The following PRR5L variants were observed in gnomAD, a reference collection of about 807,000 sequenced individuals.
PRR5L encodes proline rich 5 like, also known as proline-rich protein 5-like.
Under a neutral mutation model 36.4 loss-of-function variants are expected in PRR5L, and 21 were observed. That is an observed-to-expected ratio of 0.58 (90% CI 0.41 to 0.83). PRR5L has a LOEUF of 0.83. Ranked by LOEUF, PRR5L falls within the 40% of genes least tolerant of loss-of-function variation. The pLI, the probability that PRR5L is intolerant of heterozygous loss-of-function variation, is 0.00. For missense variants in PRR5L, 381 were observed against 473.3 expected (o/e 0.80, Z 1.81); for synonymous variants, 188 against 197.0 (o/e 0.95, Z 0.38).
chr11:36,311,139 G>A (rs61878692), intron 1 of PRR5L, among the ~76,000 whole-genome samples: 35,159 of 152,014 alleles, frequency 0.23, 4,942 homozygotes, highest in Non-Finnish European at 0.31. Flanking sequence ...TGCAGCAATT[G>A]AGTTTAGGGA....
chr11:36,347,314 G>A (rs1856877426), intron 1 of PRR5L, among the ~76,000 whole-genome samples: 4 of 152,190 alleles, frequency 2.6e-5, no homozygotes, highest in South Asian at 4.2e-4. Flanking sequence ...CTATGGAATG[G>A]GACAGTTTTG....
chr11:36,310,648 A>C (rs1426801996), intron 1 of PRR5L, among the ~76,000 whole-genome samples: 1 of 152,188 alleles, frequency 6.6e-6, no homozygotes, highest in Non-Finnish European at 1.5e-5. Flanking sequence ...GTTCTCCCAC[A>C]CAAGAGGAAA....
rs1333696181 is a variant in PRR5L, at chr11:36,465,183, AAAC to A, written c.*2452_*2454del. The A allele has an allele frequency of 6.6e-6, 1 of 152,230 alleles. No individual in the cohort carries two copies. The highest frequency in any genetic ancestry group is 1.5e-5 in the Non-Finnish European group (1 of 68,040). The allele number at this position is 152,230 out of a possible 1,614,324, so 9.4% of individuals were successfully genotyped here. ...TGTCTGTTTCCAAAATGGATTCAAT[AAAC>A]AACATTTTGTCCATGTTACCCTATT... is the stretch of plus-strand genomic sequence containing the variant. On this transcript the variant is annotated 3_prime_UTR_variant, in exon 9 of 9. Coordinates refer to ENST00000530639, the MANE Select transcript of PRR5L (RefSeq NM_001160167.2).
intron 1 of PRR5L, among the ~76,000 whole-genome samples, chr11:36,309,810 C>T (rs887029239): frequency 2.0e-5 from 3 of 151,996 alleles, no homozygotes; most frequent in African/African-American, 4.8e-5. Flanking sequence ...GATGAAGAGA[C>T]TCATCCATAC....
At chr11:36,351,681 ATTTATATATTTATATATTTATATATT>A (rs1458031050) in intron 1 of PRR5L, among the ~76,000 whole-genome samples, 1 of 7,492 alleles carries the variant, frequency 1.3e-4, no homozygotes, top group Non-Finnish European at 2.1e-4. Context: ...ATACTTATAT[ATTTATATATTTATATATTTATATATT>A]TATTTATATA....
intron 1 of PRR5L, among the ~76,000 whole-genome samples, chr11:36,375,099 G>A (rs1327069795): frequency 2.0e-5 from 3 of 152,106 alleles, no homozygotes; most frequent in Non-Finnish European, 4.4e-5. Flanking sequence ...GCCGGGTATG[G>A]TGGTGCATGC....
chr11:36,392,772 C>T (rs912848203), intron 1 of PRR5L, among the ~76,000 whole-genome samples: 8 of 152,100 alleles, frequency 5.3e-5, no homozygotes, highest in African/African-American at 1.9e-4. Flanking sequence ...ACTTTAAAAC[C>T]ATCAGATCTC....
In PRR5L at chr11:36,446,159, T is replaced by C. The variant is rs113514839; in HGVS notation, c.445-141T>C. 6.1e-4 allele frequency: 550 copies of C among 897,384 alleles called. 2 individuals are homozygous for C. The African/African-American group carries it at 8.4e-3, about 14-fold the overall frequency. 55.6% of individuals were successfully genotyped at this position (897,384 alleles called of 1,614,324 possible). A position where few individuals can be genotyped will look rare whatever the true frequency, so the allele number is the denominator to read the frequency against. ...TCTAGAGGAGCCAGGTCTTTGGCTC[T>C]TTGAAAGACACACTGGCCCTTGCAG... is the stretch of plus-strand genomic sequence containing the variant. On this transcript the variant is annotated intron_variant, in intron 6 of 8. Coordinates refer to ENST00000530639, the MANE Select transcript of PRR5L (RefSeq NM_001160167.2).
intron 8 of PRR5L, among the ~76,000 whole-genome samples, chr11:36,453,384 A>T (rs1858983345): frequency 6.6e-6 from 1 of 152,162 alleles, no homozygotes; most frequent in African/African-American, 2.4e-5. Flanking sequence ...GTGAGGACTC[A>T]CTCTAAGAGG....
chr11:36,315,143 CA>C (rs1283980161), intron 1 of PRR5L, among the ~76,000 whole-genome samples: 1 of 152,140 alleles, frequency 6.6e-6, no homozygotes, highest in African/African-American at 2.4e-5. Context: ...GGAACTTTTG[CA>C]AGTTACTTAA....
intron 1 of PRR5L, among the ~76,000 whole-genome samples, chr11:36,317,481 A>G (rs1238875840): frequency 6.6e-6 from 1 of 152,164 alleles, no homozygotes; most frequent in Non-Finnish European, 1.5e-5. Flanking sequence ...CAATTTAAGG[A>G]AGGTTCAAGG....
At chr11:36,414,248 C>T (rs1858091905) in intron 3 of PRR5L, among the ~76,000 whole-genome samples, 2 of 151,264 alleles carry the variant, frequency 1.3e-5, no homozygotes, top group South Asian at 4.2e-4. Flanking sequence ...ATGGCTGGGT[C>T]AAATGGTATT....
chr11:36,416,011 GTTTC>G, intron 3 of PRR5L, among the ~76,000 whole-genome samples: 1 of 152,272 alleles, frequency 6.6e-6, no homozygotes, highest in South Asian at 2.1e-4. Context: ...ATCTTGCATT[GTTTC>G]TTTGCTTACT....
chr11:36,348,087 T>C (rs115539354), intron 1 of PRR5L, among the ~76,000 whole-genome samples: 181 of 152,298 alleles, frequency 1.2e-3, no homozygotes, highest in African/African-American at 4.3e-3. Flanking sequence ...TAACAGTTTG[T>C]TGTTGGCTTG....
intron 1 of PRR5L, among the ~76,000 whole-genome samples, chr11:36,304,617 T>C (rs1359564027): frequency 1.3e-5 from 2 of 152,242 alleles, no homozygotes; most frequent in African/African-American, 4.8e-5. Context: ...CTAGTAAACA[T>C]ACAGTTATAA....
chr11:36,449,244 A>G (rs1858895759), intron 7 of PRR5L, among the ~76,000 whole-genome samples: 1 of 152,194 alleles, frequency 6.6e-6, no homozygotes, highest in Non-Finnish European at 1.5e-5. Flanking sequence ...CTGGGGCCAT[A>G]TCTGCTACAG....
chr11:36,341,213 A>G (rs1372726706), intron 1 of PRR5L, among the ~76,000 whole-genome samples: 1 of 152,180 alleles, frequency 6.6e-6, no homozygotes, highest in Non-Finnish European at 1.5e-5. Context: ...CCTGTCACAC[A>G]GAGAGAGATT....
At chr11:36,433,337 G>A (rs1414369590) in intron 5 of PRR5L, among the ~76,000 whole-genome samples, 1 of 152,070 alleles carries the variant, frequency 6.6e-6, no homozygotes, top group Admixed American at 6.6e-5. Context: ...CGTCTTATAA[G>A]TGGAATCATA....
intron 3 of PRR5L, among the ~76,000 whole-genome samples, chr11:36,412,976 T>TC (rs1858058775): frequency 6.6e-6 from 1 of 152,194 alleles, no homozygotes; most frequent in African/African-American, 2.4e-5. Context: ...GGAAGGTAGC[T>TC]TTTAAGTGAG....
Sources: gnomAD v4.1 joint callset for allele counts (sites outside exome capture counted in the v4.1 genomes callset) on GRCh38, gnomAD v4.1.1 for gene constraint, MANE v1.5 for transcripts, NCBI Gene and HGNC (gene_info 2026-07-23, HGNC 2026-07-21) for gene names.